The following LRRC3C variants were observed in gnomAD, a reference collection of about 807,000 sequenced individuals.
The protein encoded by LRRC3C is leucine rich repeat containing 3C, also known as leucine-rich repeat-containing protein 3C.
A neutral mutation model predicts 14.8 loss-of-function variants in LRRC3C; 11 were observed. The observed-to-expected ratio is 0.74, with a 90% CI of 0.47 to 1.23. The LOEUF (loss-of-function observed/expected upper bound fraction) is 1.23, where lower values mean the gene tolerates loss of function less well. Among genes scored for constraint, LRRC3C ranks in the 50% most tolerant of loss-of-function variants. The pLI is 0.00. For synonymous variants in LRRC3C, 149 were observed against 161.5 expected (o/e 0.92, Z 0.59); for missense variants, 354 against 361.8 (o/e 0.98, Z 0.18).
chr17:39,937,700 T>C (rs1978836334), intron 2 of LRRC3C, among the ~76,000 whole-genome samples: 1 of 152,204 alleles, frequency 6.6e-6, no homozygotes, highest in Admixed American at 6.5e-5. Flanking sequence ...ATGTCACTCC[T>C]TGGTGAAGCC....
At chr17:39,943,543 C>G (rs1051308936) in intron 3 of LRRC3C, among the ~76,000 whole-genome samples, 4 of 152,214 alleles carry the variant, frequency 2.6e-5, no homozygotes, top group Admixed American at 2.6e-4. Flanking sequence ...TGGTGCCTAC[C>G]TAGCCCACTT....
intron 2 of LRRC3C, among the ~76,000 whole-genome samples, chr17:39,937,411 G>A (rs1023254648): frequency 1.2e-4 from 19 of 152,246 alleles, no homozygotes; most frequent in African/African-American, 4.6e-4. Context: ...ACTCCAGCCT[G>A]GGCAACAAGA....
intron 1 of LRRC3C, chr17:39,934,631 TAACTG>T (rs1351563840): frequency 6.6e-6 from 1 of 152,210 alleles, no homozygotes; most frequent in Non-Finnish European, 1.5e-5. Flanking sequence ...CAATAAATGT[TAACTG>T]AACTATGTAA....
chr17:39,941,660 C>A, intron 3 of LRRC3C, 111 bp downstream of exon 3: 3 of 946,622 alleles, frequency 3.2e-6, no homozygotes, highest in Non-Finnish European at 4.8e-6. Flanking sequence ...ACCGTGGGTA[C>A]CATCAGGCTC....
intron 2 of LRRC3C, among the ~76,000 whole-genome samples, chr17:39,938,921 G>C (rs6503525): frequency 0.46 from 69,021 of 151,566 alleles, 15,835 homozygotes; most frequent in East Asian, 0.54. Context: ...GGGAAGTGAA[G>C]GTTGTAGTGA....
intron 3 of LRRC3C, 41 bp from the exon 4 acceptor site, chr17:39,943,892 T>G (rs1173014465): frequency 6.5e-7 from 1 of 1,529,384 alleles, no homozygotes; most frequent in Admixed American, 2.0e-5. Flanking sequence ...CATGCGATTC[T>G]CTTGACTCAC....
intron 3 of LRRC3C, among the ~76,000 whole-genome samples, chr17:39,943,718 G>A: frequency 6.6e-6 from 1 of 152,142 alleles, no homozygotes. Flanking sequence ...TCAAGTGCAA[G>A]AGACCCTTTA....
rs28433533 is a variant in LRRC3C at position 39,933,698 on chromosome 17, A to C, written c.-174-2104A>C. Among the ~76,000 whole-genome samples, 672 of 152,078 alleles carry C rather than the reference A, an allele frequency of 4.4e-3. 2 individuals carry two copies. Among genetic ancestry groups the C allele is most frequent in the African/African-American group, 0.016 (644 of 41,496 alleles). ...CAGTGAGCCGAGATGGCGCCACAGC[A>C]CTCCAGCCTGGGCGACAGAGCAAGA... On this transcript the variant is annotated intron_variant, in intron 1 of 3. Coordinates refer to ENST00000377924, the MANE Select transcript of LRRC3C (RefSeq NM_001195545.2).
intron 2 of LRRC3C, chr17:39,939,750 G>A (rs1394532893): frequency 4.6e-5 from 7 of 152,440 alleles, no homozygotes; most frequent in African/African-American, 1.7e-4. Context: ...ACTGTCCTAA[G>A]TGTGGTTCCT....
chr17:39,930,396 TAAAAAAAAAAAAA>T (rs34932103), intron 1 of LRRC3C, among the ~76,000 whole-genome samples: 13 of 48,590 alleles, frequency 2.7e-4, no homozygotes, highest in Admixed American at 5.8e-4. Flanking sequence ...AAACTGACTT[TAAAAAAAAAAAAA>T]AAAAAAAAAA....
In LRRC3C at chr17:39,944,613, T is replaced by C. The variant is rs1271351267; in HGVS notation, c.707T>C (p.Met236Thr). The C allele has an allele frequency of 3.9e-6, 6 of 1,535,642 alleles. No individual in the cohort carries two copies. Among genetic ancestry groups the C allele is most frequent in the East Asian group, 4.9e-5 (2 of 40,878 alleles). ...ACCATGGGGGGCTGGCTGACACTCA[T>C]GGTGGCTTATCTGGTGCATTATGTG... ...LVTMGGWLTL[M>T]VAYLVHYVWQ... Residue 236 changes from methionine to threonine, a missense_variant, in exon 4 of 4, where the codon ATG (methionine) becomes ACG (threonine). Met to Thr is a moderately conservative substitution (Grantham distance 81). Transcript: ENST00000377924.
chr17:39,938,980 C>T (rs890119318), intron 2 of LRRC3C, among the ~76,000 whole-genome samples: 2 of 149,310 alleles, frequency 1.3e-5, no homozygotes, highest in South Asian at 4.3e-4. Context: ...CAGAGAGAGA[C>T]TCCAGACTCT....
rs1048925159 is a variant in LRRC3C, at chr17:39,944,702, G to A, written c.796G>A (p.Glu266Lys). ...GGCCCCAGTGCTGCCCGTGCGTTCC[G>A]AGGACTCCTCCATCCTCAGCACAGT... ...KRAPVLPVRS[E>K]DSSILSTVV The change falls in exon 4 of 4, where the codon GAG becomes AAG. Residue 266 changes from glutamate to lysine, a missense_variant. Coordinates refer to ENST00000377924, the MANE Select transcript of LRRC3C (RefSeq NM_001195545.2). The A allele has an allele frequency of 1.2e-5, 19 of 1,535,846 alleles. No individual in the cohort carries two copies. The highest frequency in any genetic ancestry group is 1.7e-4 in the Middle Eastern group (1 of 5,990).
chr17:39,942,783 G>C (rs1040703010), intron 3 of LRRC3C, among the ~76,000 whole-genome samples: 1 of 152,184 alleles, frequency 6.6e-6, no homozygotes. Context: ...AATGTGCCAT[G>C]GCGTGAAAGA....
At chr17:39,943,819 A>G (rs565766057) in intron 3 of LRRC3C, 114 bp from the exon 4 acceptor site, 12 of 950,420 alleles carry the variant, frequency 1.3e-5, no homozygotes, top group South Asian at 8.2e-5. Context: ...GCCCCCAGAG[A>G]AGAGGCCCCA....
At chr17:39,931,568 A>T (rs1404634051) in intron 1 of LRRC3C, among the ~76,000 whole-genome samples, 1 of 151,936 alleles carries the variant, frequency 6.6e-6, no homozygotes, top group Non-Finnish European at 1.5e-5. Flanking sequence ...CCATAGGGAA[A>T]TAATAAGATG....
intron 1 of LRRC3C, among the ~76,000 whole-genome samples, chr17:39,935,406 C>G (rs928637090): frequency 1.3e-5 from 2 of 152,096 alleles, no homozygotes; most frequent in Non-Finnish European, 2.9e-5. Context: ...CTTAGGTGAT[C>G]GGAGGGCTAT....
chr17:39,937,128 CTCTG>C (rs1158487766), intron 2 of LRRC3C, among the ~76,000 whole-genome samples: 2 of 148,384 alleles, frequency 1.3e-5, no homozygotes, highest in Non-Finnish European at 3.0e-5. Context: ...CAGAGTGAGA[CTCTG>C]TCTAAAAAAA....
chr17:39,935,817 G>A lies in LRRC3C; in HGVS notation c.-159G>A, dbSNP rs1978780838. On this transcript the variant is annotated 5_prime_UTR_variant, in exon 2 of 4. Coordinates refer to ENST00000377924, the MANE Select transcript of LRRC3C (RefSeq NM_001195545.2). ...TTTTCTACAGGGAACAACAATAGCAGAGGCCTTTGTTGCCCTCTCCGCGAA... is the reference window on the plus strand; with the variant it reads ...TTTTCTACAGGGAACAACAATAGCAAAGGCCTTTGTTGCCCTCTCCGCGAA... The A allele has an allele frequency of 1.0e-6, 1 of 985,286 alleles. No individual in the cohort carries two copies. Among genetic ancestry groups the A allele is most frequent in the African/African-American group, 1.7e-5 (1 of 57,228 alleles). 61.0% of individuals were successfully genotyped at this position (985,286 alleles called of 1,614,324 possible).
Sources: allele counts gnomAD v4.1 joint callset (sites outside exome capture counted in the v4.1 genomes callset), GRCh38; gene constraint gnomAD v4.1.1; transcripts MANE v1.5; gene names NCBI Gene and HGNC (gene_info 2026-07-23, HGNC 2026-07-21).